Variants in TET1 observed in about 807,000 individuals in gnomAD.
TET1 encodes the protein tet methylcytosine dioxygenase 1.
A neutral mutation model predicts 148.7 loss-of-function variants in TET1; 13 were observed. That is an observed-to-expected ratio of 0.09 (90% CI 0.06 to 0.14). TET1 has a LOEUF of 0.14. TET1 is among the 10% of genes least tolerant of loss of function. TET1 has a pLI of 1.00. For missense variants in TET1, 2,182 were observed against 2,553.8 expected (o/e 0.85, Z 3.14); for synonymous variants, 907 against 937.2 (o/e 0.97, Z 0.59).
intron 7 of TET1, among the ~76,000 whole-genome samples, chr10:68,669,485 T>TTTGTA (rs2055241270): frequency 7.0e-6 from 1 of 142,716 alleles, no homozygotes; most frequent in Admixed American, 7.0e-5. Flanking sequence ...TTTTTTTTTT[T>TTTGTA]TTTTTTTGTA....
rs148470211 is a variant in TET1, at chr10:68,646,944, C to T, written c.4215C>T (p.Asn1405=). 5.7e-4 allele frequency: 928 copies of T among 1,613,962 alleles called. 2 individuals carry two copies. The highest frequency in any genetic ancestry group is 7.6e-4 in the Non-Finnish European group (895 of 1,180,006). The part of the protein sequence containing the change: ...FNDYAMNFFT[N]PTKNLVSITK... Reference sequence around the variant, plus strand: ...ATTATGCCATGAACTTCTTTACTAACCCTACAAAAAACCTAGTGTCTATAA... The same window carrying T: ...ATTATGCCATGAACTTCTTTACTAATCCTACAAAAAACCTAGTGTCTATAA... The change falls in exon 4 of 12, where the codon AAC becomes AAT. Residue 1405 remains asparagine, a synonymous_variant. Transcript: ENST00000373644.
At position 68,571,660 on chromosome 10, in the gene TET1, A is replaced by G. The variant is rs923537457; in HGVS notation, c.-122-557A>G. On this transcript the variant is annotated intron_variant, in intron 1 of 11. Transcript: ENST00000373644. ...TGATCCACCTGCCTTGGCCTCCCAA[A>G]GTGCTGGGATTACAGGCATGAGCCA... is the stretch of plus-strand genomic sequence containing the variant. 3.9e-5 allele frequency among the ~76,000 whole-genome samples: 6 copies of G among 152,060 alleles called. No individual in the cohort carries two copies. The South Asian group carries it at 1.2e-3, about 32-fold the overall frequency.
intron 1 of TET1, among the ~76,000 whole-genome samples, chr10:68,564,299 C>A (rs2053584250): frequency 1.3e-5 from 2 of 151,880 alleles, no homozygotes; most frequent in South Asian, 2.1e-4. Context: ...CGGGCATGCG[C>A]TACCATGCCC....
intron 3 of TET1, among the ~76,000 whole-genome samples, chr10:68,629,503 TA>T (rs2054537270): frequency 6.6e-6 from 1 of 152,104 alleles, no homozygotes; most frequent in Non-Finnish European, 1.5e-5. Context: ...GAGATATTTT[TA>T]ATATTGCCTT....
chr10:68,626,093 A>AAAAAAAAAAAG (rs2054474698), intron 3 of TET1, among the ~76,000 whole-genome samples: 10 of 92,284 alleles, frequency 1.1e-4, no homozygotes, highest in Admixed American at 8.4e-4. Context: ...CTATCTCAAA[A>AAAAAAAAAAAG]AAAAGAAAAA....
At chr10:68,639,977 G>A (rs1212644514) in intron 3 of TET1, among the ~76,000 whole-genome samples, 1 of 152,118 alleles carries the variant, frequency 6.6e-6, no homozygotes, top group Non-Finnish European at 1.5e-5. Context: ...GCCCAGGCTG[G>A]AGTGGAGTGG....
intron 2 of TET1, among the ~76,000 whole-genome samples, chr10:68,587,733 G>T (rs186495435): frequency 6.6e-6 from 1 of 152,282 alleles, no homozygotes; most frequent in Non-Finnish European, 1.5e-5. Flanking sequence ...AAGGTGGAAG[G>T]AGACTAACAT....
At chr10:68,633,720 G>A (rs1370059525) in intron 3 of TET1, among the ~76,000 whole-genome samples, 2 of 151,916 alleles carry the variant, frequency 1.3e-5, no homozygotes, top group Non-Finnish European at 1.5e-5. Flanking sequence ...CATGAGCCAC[G>A]GTGCCCAGCC....
intron 11 of TET1, among the ~76,000 whole-genome samples, chr10:68,688,560 G>A (rs1446763631): frequency 2.7e-5 from 4 of 148,602 alleles, no homozygotes; most frequent in East Asian, 4.0e-4. Context: ...TCAACCTCCC[G>A]AGTAGCTGGG....
chr10:68,669,252 C>CA (rs61048539), intron 7 of TET1, among the ~76,000 whole-genome samples: 39 of 149,366 alleles, frequency 2.6e-4, no homozygotes, highest in African/African-American at 7.9e-4. Context: ...CCACCCCCCA[C>CA]AAAAAAAAAA....
chr10:68,662,571 C>CAT (rs939077874), intron 6 of TET1, among the ~76,000 whole-genome samples: 3 of 152,010 alleles, frequency 2.0e-5, no homozygotes, highest in African/African-American at 7.3e-5. Context: ...TAATAGACCA[C>CAT]ATATATATAA....
intron 2 of TET1, among the ~76,000 whole-genome samples, chr10:68,589,791 C>T (rs1368972638): frequency 6.6e-6 from 1 of 151,076 alleles, no homozygotes. Flanking sequence ...CATGCCTCTA[C>T]CTCCCAAGTA....
chr10:68,600,904 A>G (rs562918390), intron 2 of TET1, 77 bp from the exon 3 acceptor site: 2 of 1,291,298 alleles, frequency 1.5e-6, no homozygotes, highest in East Asian at 2.3e-5. Flanking sequence ...ACAGAGAAAT[A>G]GCCAAAAATT....
At chr10:68,677,761 C>T (rs2055380641) in intron 8 of TET1, among the ~76,000 whole-genome samples, 2 of 152,074 alleles carry the variant, frequency 1.3e-5, no homozygotes, top group African/African-American at 4.8e-5. Context: ...GCTGGGATTA[C>T]AGGCATGCGC....
intron 3 of TET1, among the ~76,000 whole-genome samples, chr10:68,610,060 G>A (rs1188982537): frequency 1.3e-5 from 2 of 152,094 alleles, no homozygotes; most frequent in Non-Finnish European, 2.9e-5. Context: ...GAGACAGGAG[G>A]ATCACGAGGT....
chr10:68,600,213 CT>C (rs1174267227), intron 2 of TET1, among the ~76,000 whole-genome samples: 1 of 152,098 alleles, frequency 6.6e-6, no homozygotes, highest in African/African-American at 2.4e-5. Context: ...AAATGCCCCC[CT>C]AGGCTCAGTT....
intron 10 of TET1, among the ~76,000 whole-genome samples, chr10:68,684,375 C>CTTTT (rs5785868): frequency 9.3e-5 from 13 of 139,484 alleles, no homozygotes; most frequent in African/African-American, 2.4e-4. Flanking sequence ...GCCACAACAA[C>CTTTT]TTTTTTTTTT....
In TET1 at chr10:68,686,392, G is replaced by A. The variant is rs1281698688; in HGVS notation, c.5089G>A (p.Gly1697Ser). 1 of 1,612,188 alleles carries A rather than the reference G, an allele frequency of 6.2e-7. No individual in the cohort carries two copies. The highest frequency in any genetic ancestry group is 1.7e-5 in the Admixed American group (1 of 59,768). The change falls in exon 11 of 12, where the codon GGT (glycine) becomes AGT (serine). Residue 1697 changes from glycine (G) to serine (S), a missense_variant. Coordinates refer to ENST00000373644, the MANE Select transcript of TET1 (RefSeq NM_030625.3). ...AACTCGAGAAGATAACCGCTCTTTG[G>A]GTGTTATTCCTCAAGATGAGCAGCT... ...TLTREDNRSL[G>S]VIPQDEQLHV...
chr10:68,629,389 A>T (rs2054535201), intron 3 of TET1, among the ~76,000 whole-genome samples: 1 of 152,088 alleles, frequency 6.6e-6, no homozygotes, highest in Non-Finnish European at 1.5e-5. Context: ...ATAATTAAAT[A>T]AAAATGTAGC....
Sources: gnomAD v4.1 joint callset for allele counts (sites outside exome capture counted in the v4.1 genomes callset) on GRCh38, gnomAD v4.1.1 for gene constraint, MANE v1.5 for transcripts, NCBI Gene and HGNC (gene_info 2026-07-23, HGNC 2026-07-21) for gene names.